Variants in KLF13 observed in about 807,000 individuals in gnomAD.
The protein encoded by KLF13 is KLF transcription factor 13.
In KLF13, 8 loss-of-function variants were observed where a neutral mutation model predicts 16.7. That is an observed-to-expected ratio of 0.48 (90% CI 0.28 to 0.87). KLF13 has a LOEUF of 0.87. KLF13 is among the 40% of genes least tolerant of loss of function. The pLI is 0.10. For synonymous variants in KLF13, 245 were observed against 208.4 expected (o/e 1.18, Z -1.51); for missense variants, 447 against 452.2 (o/e 0.99, Z 0.10).
downstream of KLF13, among the ~76,000 whole-genome samples, chr15:31,380,759 GGCT>G (rs1237936073): frequency 2.6e-5 from 4 of 152,290 alleles, no homozygotes; most frequent in East Asian, 7.7e-4. Context: ...CTCCTGGCAG[GGCT>G]GCTATCTCTG....
chr15:31,387,532 G>A (rs1186402515), intron 1 of KLF13, among the ~76,000 whole-genome samples: 1 of 152,222 alleles, frequency 6.6e-6, no homozygotes, highest in East Asian at 1.9e-4. Flanking sequence ...ACCAAAAAAT[G>A]TGTGTGACTC....
chr15:31,393,565 C>A (rs1171107353), intron 1 of KLF13: 1 of 152,366 alleles, frequency 6.6e-6, no homozygotes, highest in Admixed American at 6.5e-5. Context: ...TCCCTACACG[C>A]CACTCCGCAG....
chr15:31,385,771 A>G (rs1016423212), intron 1 of KLF13, among the ~76,000 whole-genome samples: 3 of 152,196 alleles, frequency 2.0e-5, no homozygotes, highest in African/African-American at 4.8e-5. Context: ...AATTAGGCCA[A>G]TTAATAACCT....
In KLF13 at chr15:31,370,706, A is replaced by G. The variant is rs530979294; in HGVS notation, c.578-1304A>G. 2.6e-5 allele frequency among the ~76,000 whole-genome samples: 4 copies of G among 152,294 alleles called. No individual in the cohort carries two copies. In the South Asian group the frequency reaches 8.3e-4, roughly 32 times the overall value. On this transcript the variant is annotated intron_variant, in intron 1 of 1. Coordinates refer to ENST00000307145, the MANE Select transcript of KLF13 (RefSeq NM_015995.4). ...AGTGCTGAGATTATAGGCATGAGCC[A>G]CCGCGCCTGGCCGTTTTTGCTCTCT...
At chr15:31,405,030 G>A (rs1423219644), downstream of KLF13, among the ~76,000 whole-genome samples, 2 of 152,192 alleles carry the variant, frequency 1.3e-5, no homozygotes, top group African/African-American at 2.4e-5. Context: ...TTATGCTGTA[G>A]ATGGAACCAT....
rs1168950952 is a variant in KLF13, at chr15:31,327,562, C to T, written c.350C>T (p.Pro117Leu). Residue 117 changes from proline (P) to leucine (L), a missense_variant, in exon 1 of 2, where the codon CCC becomes CTC. Pro to Leu is a moderately conservative substitution (Grantham distance 98, BLOSUM62 -3). This residue lies in a region of KLF13 where 359 missense variants were observed against 282.8 expected (regional missense o/e 1.27). Transcript: ENST00000307145. ...SPGAEGAAAAPPSPAWSEPEP... is the reference protein window; with the variant it reads ...SPGAEGAAAALPSPAWSEPEP... ...GGCGCCGAAGGCGCGGCGGCCGCGCCCCCCAGCCCGGCGTGGAGCGAGCCG... is the reference window on the plus strand; with the variant it reads ...GGCGCCGAAGGCGCGGCGGCCGCGCTCCCCAGCCCGGCGTGGAGCGAGCCG... 5.3e-6 allele frequency: 6 copies of T among 1,136,774 alleles called. No homozygotes were observed. The highest frequency in any genetic ancestry group is 1.7e-5 in the African/African-American group (1 of 60,312). The allele number at this position is 1,136,774 out of a possible 1,614,324, so 70.4% of individuals were successfully genotyped here.
At position 31,374,663 on chromosome 15, in the gene KLF13, G is replaced by T. The variant is rs989696751; in HGVS notation, c.*2364G>T. 2 of 152,458 alleles carry T rather than the reference G, an allele frequency of 1.3e-5. No homozygotes were observed. The highest frequency in any genetic ancestry group is 4.8e-5 in the African/African-American group (2 of 41,408). The allele number at this position is 152,458 out of a possible 1,614,324, so 9.4% of individuals were successfully genotyped here. On this transcript the variant is annotated 3_prime_UTR_variant, in exon 2 of 2. Transcript: ENST00000307145. ...CACCGTTCCCCAAGGCAGGGAGAGG[G>T]AGTGGCCCGTCCCTGGGAGGCTGGC...
chr15:31,418,540 G>A (rs980165475), intron 1 of KLF13, among the ~76,000 whole-genome samples: 2 of 151,470 alleles, frequency 1.3e-5, no homozygotes, highest in Admixed American at 1.3e-4. Flanking sequence ...GAATGAAAGA[G>A]GACTATCACT....
intron 1 of KLF13, among the ~76,000 whole-genome samples, chr15:31,339,603 A>C (rs1329511668): frequency 6.6e-6 from 1 of 152,222 alleles, no homozygotes; most frequent in Non-Finnish European, 1.5e-5. Context: ...AGATACCCAC[A>C]ACTGGTGCTT....
chr15:31,329,340 G>C (rs1204959972), intron 1 of KLF13, among the ~76,000 whole-genome samples: 3 of 151,708 alleles, frequency 2.0e-5, no homozygotes, highest in Non-Finnish European at 2.9e-5. Context: ...TGGGGGCAGC[G>C]ATTGGGGCGT....
chr15:31,366,967 C>T (rs78827924), intron 1 of KLF13, among the ~76,000 whole-genome samples: 2 of 152,362 alleles, frequency 1.3e-5, no homozygotes, highest in African/African-American at 4.8e-5. Context: ...AGCACCACGA[C>T]GACTGGAATG....
downstream of KLF13, chr15:31,404,864 G>A (rs1337821260): frequency 6.6e-6 from 1 of 152,340 alleles, no homozygotes; most frequent in Non-Finnish European, 1.5e-5. Flanking sequence ...GCAAGGTTAG[G>A]GTCCACAGTT....
chr15:31,357,884 T>G (rs2039325011), intron 1 of KLF13, among the ~76,000 whole-genome samples: 1 of 152,212 alleles, frequency 6.6e-6, no homozygotes, highest in Non-Finnish European at 1.5e-5. Context: ...TCTGCTGTCT[T>G]TCTAATTTCT....
At chr15:31,361,351 G>A (rs572822046) in intron 1 of KLF13, among the ~76,000 whole-genome samples, 3 of 152,156 alleles carry the variant, frequency 2.0e-5, no homozygotes, top group South Asian at 2.1e-4. Context: ...ACCTTGGTGA[G>A]GTCACTTGGT....
intron 1 of KLF13, among the ~76,000 whole-genome samples, chr15:31,343,366 A>G (rs1265288654): frequency 6.6e-6 from 1 of 152,232 alleles, no homozygotes; most frequent in Non-Finnish European, 1.5e-5. Flanking sequence ...GCCCACAGAC[A>G]AGGCTGGGTG....
intron 1 of KLF13, among the ~76,000 whole-genome samples, chr15:31,416,206 T>G (rs1158246738): frequency 6.6e-6 from 1 of 152,092 alleles, no homozygotes; most frequent in African/African-American, 2.4e-5. Context: ...AGGCCCAGAA[T>G]ACTTCATCAC....
At chr15:31,405,884 T>G (rs2040122449), downstream of KLF13, among the ~76,000 whole-genome samples, 1 of 152,142 alleles carries the variant, frequency 6.6e-6, no homozygotes, top group Non-Finnish European at 1.5e-5. Context: ...AAGTAACAGT[T>G]GTCCCTGGAA....
At chr15:31,347,991 CCTT>C (rs746409504) in intron 1 of KLF13, among the ~76,000 whole-genome samples, 11 of 152,258 alleles carry the variant, frequency 7.2e-5, no homozygotes, top group Admixed American at 1.3e-4. Context: ...TCCAGCCTGG[CCTT>C]CTTGGCCACT....
chr15:31,358,061 C>T (rs771014202), intron 1 of KLF13, among the ~76,000 whole-genome samples: 5 of 152,000 alleles, frequency 3.3e-5, no homozygotes, highest in Non-Finnish European at 1.5e-5. Context: ...GTGCAGGAGG[C>T]GTGGGGAGAG....
Sources: gnomAD v4.1 joint callset for allele counts (sites outside exome capture counted in the v4.1 genomes callset) on GRCh38, gnomAD v4.1.1 for gene constraint, gnomAD v4.1.1 regional missense constraint, MANE v1.5 for transcripts, NCBI Gene and HGNC (gene_info 2026-07-23, HGNC 2026-07-21) for gene names.